DAB1: variants seen among roughly 807,000 people sequenced by gnomAD.
DAB1 encodes the protein disabled homolog 1.
In DAB1, 15 loss-of-function variants were observed where a neutral mutation model predicts 64.6. That is an observed-to-expected ratio of 0.23 (90% CI 0.16 to 0.36). The LOEUF (loss-of-function observed/expected upper bound fraction) is 0.36. Ranked by LOEUF, DAB1 falls within the 10% of genes least tolerant of loss-of-function variation. DAB1 has a pLI of 1.00. For synonymous variants in DAB1, 235 were observed against 251.9 expected (o/e 0.93, Z 0.64); for missense variants, 596 against 706.7 (o/e 0.84, Z 1.78).
intron 1 of DAB1, among the ~76,000 whole-genome samples, chr1:57,339,187 G>A (rs550553074): frequency 2.4e-3 from 338 of 141,848 alleles, no homozygotes; most frequent in African/African-American, 8.2e-3. Flanking sequence ...ACAGAGTCTC[G>A]CTCTGTCGCC....
chr1:57,430,909 A>C (rs200975663), intron 7 of DAB1, among the ~76,000 whole-genome samples: 1 of 518 alleles, frequency 1.9e-3, no homozygotes, highest in Non-Finnish European at 9.3e-3. Flanking sequence ...GCAGAGAAAG[A>C]AAAAAAAAAA....
intron 4 of DAB1, among the ~76,000 whole-genome samples, chr1:58,240,936 T>C (rs1000612147): frequency 6.6e-6 from 1 of 152,098 alleles, no homozygotes; most frequent in Admixed American, 6.6e-5. Context: ...TAAACTGATA[T>C]TACCAAGACA....
chr1:57,947,074 C>T (rs1645195341), intron 5 of DAB1, among the ~76,000 whole-genome samples: 1 of 152,098 alleles, frequency 6.6e-6, no homozygotes, highest in South Asian at 2.1e-4. Context: ...TCTTGATTTA[C>T]ATAGGTGATC....
At chr1:58,108,178 T>C (rs1052188013) in intron 5 of DAB1, among the ~76,000 whole-genome samples, 2 of 152,162 alleles carry the variant, frequency 1.3e-5, no homozygotes, top group African/African-American at 2.4e-5. Flanking sequence ...ATTTGAGCTT[T>C]AGTAAAATAA....
intron 6 of DAB1, among the ~76,000 whole-genome samples, chr1:57,743,608 C>T (rs540441796): frequency 6.6e-6 from 1 of 152,288 alleles, no homozygotes; most frequent in South Asian, 2.1e-4. Flanking sequence ...GGGTACTTTC[C>T]AGGTATCACC....
intron 5 of DAB1, among the ~76,000 whole-genome samples, chr1:57,920,925 A>G (rs1308756027): frequency 6.6e-6 from 1 of 150,588 alleles, no homozygotes. Context: ...CTTCTGAGCC[A>G]CAAATTCTAC....
chr1:57,428,259 A>G (rs953453841), upstream of DAB1, among the ~76,000 whole-genome samples: 2 of 152,236 alleles, frequency 1.3e-5, no homozygotes, highest in African/African-American at 4.8e-5. Context: ...TTAGATCTCC[A>G]GAACTTATTT....
intron 7 of DAB1, among the ~76,000 whole-genome samples, chr1:57,640,355 A>G (rs1473716705): frequency 6.6e-6 from 1 of 152,192 alleles, no homozygotes; most frequent in Admixed American, 6.5e-5. Flanking sequence ...GTATTAACTT[A>G]TGTTTCTATA....
intron 5 of DAB1, among the ~76,000 whole-genome samples, chr1:58,146,338 T>TGTG (rs1299555218): frequency 6.6e-6 from 1 of 152,134 alleles, no homozygotes; most frequent in Admixed American, 6.5e-5. Context: ...ATAGTTACCG[T>TGTG]GTGTGTGTGC....
rs115479288 is a variant in DAB1, at chr1:57,947,959, C to T, written n.388-63797G>A. ...TGCAAGGCCTTCTGTAGCCTCCTCT[C>T]CAGCTTCTGTGCATTACACTTTGGG... On this transcript the variant is annotated intron_variant and non_coding_transcript_variant, in intron 5 of 20. Transcript: ENST00000485760. Among the ~76,000 whole-genome samples, 1,308 of 152,298 alleles carry T rather than the reference C, an allele frequency of 8.6e-3. 16 individuals are homozygous for T. Among genetic ancestry groups the T allele is most frequent in the African/African-American group, 0.03 (1,239 of 41,568 alleles).
chr1:57,693,544 CA>C (rs774238534), intron 6 of DAB1, among the ~76,000 whole-genome samples: 10 of 152,100 alleles, frequency 6.6e-5, no homozygotes, highest in Non-Finnish European at 1.3e-4. Flanking sequence ...TGGGTGGGGC[CA>C]AATAAGGGAC....
chr1:58,240,987 TA>T (rs1212507761), intron 4 of DAB1, among the ~76,000 whole-genome samples: 2 of 152,078 alleles, frequency 1.3e-5, no homozygotes, highest in Non-Finnish European at 2.9e-5. Flanking sequence ...GACAAAAGTA[TA>T]AAAAATAGAT....
At chr1:57,328,527 C>T (rs553862772) in intron 1 of DAB1, among the ~76,000 whole-genome samples, 7 of 152,280 alleles carry the variant, frequency 4.6e-5, no homozygotes, top group South Asian at 2.1e-4. Flanking sequence ...TAGGGAAGCA[C>T]GTTTTATATA....
intron 4 of DAB1, among the ~76,000 whole-genome samples, chr1:58,192,791 T>A (rs913360438): frequency 6.6e-6 from 1 of 152,222 alleles, no homozygotes; most frequent in Non-Finnish European, 1.5e-5. Flanking sequence ...ATCTCTTTGA[T>A]ATAATGATTT....
intron 1 of DAB1, among the ~76,000 whole-genome samples, chr1:57,314,669 A>C (rs1188673779): frequency 1.3e-5 from 2 of 151,978 alleles, no homozygotes; most frequent in Non-Finnish European, 2.9e-5. Context: ...TGTGGTCCCA[A>C]CTACTTGGGA....
intron 4 of DAB1, among the ~76,000 whole-genome samples, chr1:57,103,109 C>T (rs184726221): frequency 1.3e-5 from 2 of 152,148 alleles, no homozygotes; most frequent in East Asian, 3.9e-4. Flanking sequence ...AACACTAAAT[C>T]CCTGGGTGCT....
chr1:57,888,063 C>T (rs1644252025), upstream of DAB1, among the ~76,000 whole-genome samples: 1 of 152,144 alleles, frequency 6.6e-6, no homozygotes, highest in African/African-American at 2.4e-5. Context: ...TTCTTGCCTG[C>T]TGAATGGCAT....
intron 1 of DAB1, among the ~76,000 whole-genome samples, chr1:58,532,927 A>G (rs923049984): frequency 1.3e-5 from 2 of 152,232 alleles, no homozygotes; most frequent in African/African-American, 4.8e-5. Context: ...CATCTTATTA[A>G]TAGTCTAAGG....
intron 5 of DAB1, among the ~76,000 whole-genome samples, chr1:57,901,959 A>T (rs960496800): frequency 6.6e-6 from 1 of 151,850 alleles, no homozygotes; most frequent in African/African-American, 2.4e-5. Flanking sequence ...AAACAAACAA[A>T]CACGCGGGCA....
Sources: gnomAD v4.1 joint callset for allele counts (sites outside exome capture counted in the v4.1 genomes callset) on GRCh38, gnomAD v4.1.1 for gene constraint, MANE v1.5 for transcripts, NCBI Gene and HGNC (gene_info 2026-07-23, HGNC 2026-07-21) for gene names.